Variants in ADK observed in about 807,000 individuals in gnomAD.
ADK encodes the protein adenosine kinase.
A neutral mutation model predicts 44.7 loss-of-function variants in ADK; 24 were observed. The ratio of observed to expected loss-of-function variants is 0.54; its 90% confidence interval spans 0.39 to 0.76. The LOEUF (loss-of-function observed/expected upper bound fraction) is 0.76, where lower values mean the gene tolerates loss of function less well. Ranked by LOEUF, ADK falls within the 30% of genes least tolerant of loss-of-function variation. ADK has a pLI of 0.00. For synonymous variants in ADK, 128 were observed against 142.6 expected, an observed-to-expected ratio of 0.90 and a Z score of 0.73; for missense variants, 321 against 425.1, an observed-to-expected ratio of 0.76 and a Z score of 2.15.
chr10:74,215,705 A>G (rs1377694081), intron 2 of ADK, among the ~76,000 whole-genome samples: 6 of 135,296 alleles, frequency 4.4e-5, no homozygotes, highest in African/African-American at 1.7e-4. Flanking sequence ...TTGCTCTGTC[A>G]CCCAGGCTAG....
chr10:74,595,144 C>T (rs567037176), intron 8 of ADK, among the ~76,000 whole-genome samples: 3 of 146,302 alleles, frequency 2.1e-5, no homozygotes, highest in African/African-American at 7.7e-5. Context: ...CCATTGCACA[C>T]CAGCCTGGGC....
chr10:74,203,461 TG>T (rs1843470608), intron 2 of ADK, among the ~76,000 whole-genome samples: 2 of 151,980 alleles, frequency 1.3e-5, no homozygotes, highest in South Asian at 4.1e-4. Flanking sequence ...TGGGTTCAAG[TG>T]ATCCTTCTAT....
intron 7 of ADK, among the ~76,000 whole-genome samples, chr10:74,573,121 C>A (rs1205281886): frequency 6.6e-6 from 1 of 151,924 alleles, no homozygotes; most frequent in Non-Finnish European, 1.5e-5. Context: ...GTTTTTTCCC[C>A]ATCTTTGTGG....
At chr10:74,340,094 A>G (rs1271372825) in intron 4 of ADK, among the ~76,000 whole-genome samples, 1 of 152,172 alleles carries the variant, frequency 6.6e-6, no homozygotes, top group African/African-American at 2.4e-5. Flanking sequence ...CATAGGAGGG[A>G]ATTTAAACTG....
intron 7 of ADK, among the ~76,000 whole-genome samples, chr10:74,530,750 A>AC (rs1334184559): frequency 2.6e-5 from 4 of 151,842 alleles, no homozygotes; most frequent in Admixed American, 2.0e-4. Flanking sequence ...ACATGGTGAA[A>AC]CCCCCTCTCT....
chr10:74,698,708 C>T (rs1856296586), intron 10 of ADK, among the ~76,000 whole-genome samples: 1 of 152,064 alleles, frequency 6.6e-6, no homozygotes, highest in African/African-American at 2.4e-5. Context: ...ATGTATGTAC[C>T]ACCACGCCTG....
chr10:74,484,689 A>G (rs1251053379), intron 6 of ADK, among the ~76,000 whole-genome samples: 1 of 152,198 alleles, frequency 6.6e-6, no homozygotes, highest in Admixed American at 6.5e-5. Context: ...CATATATCTG[A>G]ACATTCTGTG....
intron 4 of ADK, among the ~76,000 whole-genome samples, chr10:74,343,740 C>T (rs547139034): frequency 6.6e-5 from 10 of 152,292 alleles, no homozygotes; most frequent in African/African-American, 2.4e-4. Flanking sequence ...TCCTGAGTAG[C>T]TGGGATTTCA....
chr10:74,290,402 T>C (rs1847366541), intron 3 of ADK, among the ~76,000 whole-genome samples: 1 of 152,210 alleles, frequency 6.6e-6, no homozygotes, highest in Non-Finnish European at 1.5e-5. Flanking sequence ...ATTTTAAAAA[T>C]ATTTACTAAG....
intron 9 of ADK, among the ~76,000 whole-genome samples, chr10:74,643,890 C>G (rs764992847): frequency 4.6e-5 from 7 of 152,084 alleles, no homozygotes; most frequent in Non-Finnish European, 8.8e-5. Context: ...TGATTCCCAC[C>G]CTGAGATAAG....
intron 1 of ADK, among the ~76,000 whole-genome samples, chr10:74,158,751 C>T (rs1415218742): frequency 6.6e-6 from 1 of 152,204 alleles, no homozygotes; most frequent in Non-Finnish European, 1.5e-5. Flanking sequence ...ACAATAATTT[C>T]TCATCAGAGT....
At chr10:74,344,934 C>G (rs1437845191) in intron 4 of ADK, 1 of 155,432 alleles carries the variant, frequency 6.4e-6, no homozygotes, top group African/African-American at 2.4e-5. Flanking sequence ...AGCACAGGCT[C>G]TCACATCTGA....
chr10:74,284,584 G>A (rs979966157), intron 3 of ADK, among the ~76,000 whole-genome samples: 2 of 152,162 alleles, frequency 1.3e-5, no homozygotes, highest in African/African-American at 4.8e-5. Flanking sequence ...TACATTAGGT[G>A]CCATAGCACT....
chr10:74,209,234 C>T (rs1376670403), intron 2 of ADK, among the ~76,000 whole-genome samples: 1 of 152,182 alleles, frequency 6.6e-6, no homozygotes, highest in African/African-American at 2.4e-5. Flanking sequence ...CCTGCCTTTA[C>T]ATTCCTTCTG....
chr10:74,396,881 G>A (rs114215138), intron 5 of ADK, among the ~76,000 whole-genome samples: 2,239 of 151,986 alleles, frequency 0.015, 59 homozygotes, highest in African/African-American at 0.051. Flanking sequence ...GCTTGAACCC[G>A]GAGGCGGAGG....
At chr10:74,344,034 A>C in intron 4 of ADK, among the ~76,000 whole-genome samples, 1 of 152,144 alleles carries the variant, frequency 6.6e-6, no homozygotes, top group East Asian at 1.9e-4. Context: ...GACAAACTCC[A>C]CTTGGTTATG....
intron 4 of ADK, among the ~76,000 whole-genome samples, chr10:74,352,737 A>G (rs1245375164): frequency 6.6e-6 from 1 of 152,198 alleles, no homozygotes; most frequent in African/African-American, 2.4e-5. Context: ...GAAAATAACA[A>G]CCCTATCAAA....
intron 3 of ADK, among the ~76,000 whole-genome samples, chr10:74,279,171 C>T (rs1846819410): frequency 2.0e-5 from 3 of 151,628 alleles, no homozygotes; most frequent in South Asian, 4.2e-4. Context: ...CCCAGCTACT[C>T]GGGAGGCTGA....
chr10:74,335,363 G>A (rs1841370362), intron 4 of ADK, among the ~76,000 whole-genome samples: 1 of 152,024 alleles, frequency 6.6e-6, no homozygotes, highest in Admixed American at 6.6e-5. Context: ...GAATCATGTT[G>A]TGCATAGCCT....
Sources: allele counts gnomAD v4.1 joint callset (sites outside exome capture counted in the v4.1 genomes callset), GRCh38; gene constraint gnomAD v4.1.1; transcripts MANE v1.5; gene names NCBI Gene and HGNC (gene_info 2026-07-23, HGNC 2026-07-21).